The following HYCC1 variants were observed in gnomAD, a reference collection of about 807,000 sequenced individuals.
HYCC1 encodes the protein hyccin PI4KA lipid kinase complex subunit 1.
the HYCC1 span, among the ~76,000 whole-genome samples, chr7:23,005,705 T>G: frequency 6.6e-6 from 1 of 152,246 alleles, no homozygotes; most frequent in African/African-American, 2.4e-5. Context: ...CTATGGTGGT[T>G]GTTCTTCTGT....
At chr7:22,924,201 G>C in the HYCC1 span, among the ~76,000 whole-genome samples, 1 of 150,808 alleles carries the variant, frequency 6.6e-6, no homozygotes, top group Admixed American at 6.6e-5. Context: ...AAAAAGGGGG[G>C]TGGAGCCAAG....
the HYCC1 span, among the ~76,000 whole-genome samples, chr7:22,909,740 C>G: frequency 6.6e-6 from 1 of 152,160 alleles, no homozygotes; most frequent in Non-Finnish European, 1.5e-5. Context: ...TTCCCCGGAC[C>G]CTTCTCTCCC....
At chr7:22,947,146 T>C in the HYCC1 span, 4 of 1,550,504 alleles carry the variant, frequency 2.6e-6, no homozygotes, top group South Asian at 1.2e-5. Context: ...GTTCTGCCTT[T>C]TTCCCCATTC....
the HYCC1 span, chr7:22,947,149 C>T: frequency 1.3e-6 from 2 of 1,550,380 alleles, no homozygotes; most frequent in Non-Finnish European, 1.7e-6. Context: ...CTGCCTTTTT[C>T]CCCATTCCCG....
the HYCC1 span, among the ~76,000 whole-genome samples, chr7:22,993,500 A>C: frequency 6.6e-6 from 1 of 152,206 alleles, no homozygotes; most frequent in Non-Finnish European, 1.5e-5. Flanking sequence ...ATTCATATAC[A>C]TGGCAAAAGT....
At chr7:22,979,889 A>C in the HYCC1 span, among the ~76,000 whole-genome samples, 1 of 152,190 alleles carries the variant, frequency 6.6e-6, no homozygotes, top group African/African-American at 2.4e-5. Flanking sequence ...GATTAGATGA[A>C]ATTATGCATT....
At chr7:22,948,211 A>G in the HYCC1 span, among the ~76,000 whole-genome samples, 1 of 152,116 alleles carries the variant, frequency 6.6e-6, no homozygotes, top group South Asian at 2.1e-4. Context: ...ACATAAGACT[A>G]TGTAAAACAG....
At chr7:22,940,632 T>A in the HYCC1 span, 1 of 152,048 alleles carries the variant, frequency 6.6e-6, no homozygotes, top group Non-Finnish European at 1.5e-5. Context: ...CAAACAAAAT[T>A]CTAAAATTGT....
At chr7:22,913,613 G>A in the HYCC1 span, among the ~76,000 whole-genome samples, 1 of 152,106 alleles carries the variant, frequency 6.6e-6, no homozygotes, top group Non-Finnish European at 1.5e-5. Flanking sequence ...TAAGTCTCTG[G>A]AGCTCCCTTG....
the HYCC1 span, among the ~76,000 whole-genome samples, chr7:22,914,828 C>A: frequency 6.6e-6 from 1 of 152,100 alleles, no homozygotes; most frequent in South Asian, 2.1e-4. Context: ...CTTCCTCAGC[C>A]TCCGCTCCCC....
chr7:22,947,002 A>G, the HYCC1 span: 1 of 1,549,656 alleles, frequency 6.5e-7, no homozygotes. Flanking sequence ...CTGCCAGGTG[A>G]GTTTATTCCA....
the HYCC1 span, among the ~76,000 whole-genome samples, chr7:22,962,271 G>A: frequency 5.9e-5 from 9 of 152,256 alleles, no homozygotes; most frequent in African/African-American, 2.2e-4. Context: ...TAACTCATGG[G>A]CTAGCAGGAG....
At chr7:22,967,855 A>G in the HYCC1 span, among the ~76,000 whole-genome samples, 2 of 152,202 alleles carry the variant, frequency 1.3e-5, no homozygotes, top group South Asian at 4.1e-4. Context: ...ACAAATAGGA[A>G]CACTGGAATA....
chr7:22,962,078 T>G, the HYCC1 span, among the ~76,000 whole-genome samples: 12 of 126,808 alleles, frequency 9.5e-5, no homozygotes, highest in African/African-American at 3.5e-4. Context: ...TAAAGCCAGG[T>G]AATCTACAAA....
chr7:22,923,183 T>A, the HYCC1 span, among the ~76,000 whole-genome samples: 2 of 152,090 alleles, frequency 1.3e-5, no homozygotes, highest in African/African-American at 4.8e-5. Flanking sequence ...CTCAATAAAC[T>A]TAAAAGGACA....
chr7:23,013,722 C>A, the HYCC1 span, among the ~76,000 whole-genome samples: 15 of 151,722 alleles, frequency 9.9e-5, no homozygotes, highest in African/African-American at 3.6e-4. Flanking sequence ...CGCCCGCCAG[C>A]CGCCCCCAGC....
At chr7:23,002,936 C>A in the HYCC1 span, among the ~76,000 whole-genome samples, 1 of 152,224 alleles carries the variant, frequency 6.6e-6, no homozygotes, top group East Asian at 1.9e-4. Context: ...AGATGGCGGT[C>A]TTCTCCCTAT....
the HYCC1 span, chr7:22,978,059 C>G: frequency 6.6e-6 from 4 of 602,756 alleles, no homozygotes; most frequent in Non-Finnish European, 1.2e-5. Context: ...TGATTTTCAA[C>G]CTTCAATCAA....
the HYCC1 span, among the ~76,000 whole-genome samples, chr7:22,996,597 T>TAAAAAAAAA: frequency 1.4e-4 from 15 of 106,522 alleles, no homozygotes; most frequent in East Asian, 8.5e-4. Context: ...GTACAATTGT[T>TAAAAAAAAA]AAAAAAAAAA....
Sources: allele counts gnomAD v4.1 joint callset (sites outside exome capture counted in the v4.1 genomes callset), GRCh38; gene constraint gnomAD v4.1.1; transcripts MANE v1.5; gene names NCBI Gene and HGNC (gene_info 2026-07-23, HGNC 2026-07-21).